TMPRSS13: variants seen among roughly 807,000 people sequenced by gnomAD.
TMPRSS13 encodes transmembrane serine protease 13, also known as transmembrane protease serine 13.
In TMPRSS13, 50 loss-of-function variants were observed where a neutral mutation model predicts 68.4. The ratio of observed to expected loss-of-function variants is 0.73; its 90% CI spans 0.58 to 0.93. The LOEUF is 0.93. TMPRSS13 is among the 40% of genes least tolerant of loss of function. TMPRSS13 has a pLI of 0.00. For synonymous variants in TMPRSS13, 267 were observed against 285.8 expected, an observed-to-expected ratio of 0.93 and a Z score of 0.66; for missense variants, 615 against 729.2, an observed-to-expected ratio of 0.84 and a Z score of 1.80.
rs1010206959 is a variant in TMPRSS13, at chr11:117,909,341, T to C, written c.1109+465A>G. The stretch of plus-strand genomic sequence containing the variant: ...GAGGCCTGGTCCCAGAGCTCTTTCC[T>C]GCCCACCAGCCTGGGCTGTGGGCCC... On this transcript the variant is annotated intron_variant, in intron 8 of 12. Transcript: ENST00000524993. Among the ~76,000 whole-genome samples the C allele has an allele frequency of 4.6e-5, 7 of 152,320 alleles. No individual in the cohort carries two copies. In the South Asian group the frequency reaches 1.2e-3, roughly 27 times the overall value.
Position 117,917,218 on chromosome 11 carries a change from C to A in TMPRSS13, c.508G>T (p.Gly170Trp). 2 of 1,613,022 alleles carry A rather than the reference C, an allele frequency of 1.2e-6. No individual in the cohort carries two copies. The highest frequency in any genetic ancestry group is 2.2e-5 in the South Asian group (2 of 91,066). Reference protein sequence around the residue: ...REGQKQLPLIGCVLLLIALVV... With the variant: ...REGQKQLPLIWCVLLLIALVV... ...AGGGCAATGAGGAGGAGCACGCACCCGATGAGCGGTAGCTGCTTCTGGCCC... is the reference window on the plus strand; with the variant it reads ...AGGGCAATGAGGAGGAGCACGCACCAGATGAGCGGTAGCTGCTTCTGGCCC... The change falls in exon 3 of 13, where the codon GGG becomes TGG. Residue 170 changes from glycine to tryptophan, a missense_variant. Transcript: ENST00000524993.
chr11:117,908,009 A>T, intron 9 of TMPRSS13: 1 of 991,902 alleles, frequency 1.0e-6, no homozygotes, highest in Non-Finnish European at 1.2e-6. Context: ...CCTTAGCAAC[A>T]ACGTTGTAGC....
At chr11:117,908,143 GCTA>G (rs2057482474) in intron 9 of TMPRSS13, 1 of 886,376 alleles carries the variant, frequency 1.1e-6, no homozygotes, top group Admixed American at 4.5e-5. Flanking sequence ...CAATCCCAGA[GCTA>G]CCACCTATTA....
chr11:117,914,272 C>T lies in TMPRSS13; in HGVS notation c.679+120G>A. The T allele has an allele frequency of 7.4e-7, 1 of 1,350,204 alleles. No individual in the cohort carries two copies. Among genetic ancestry groups the T allele is most frequent in the Admixed American group, 1.7e-5 (1 of 57,722 alleles). 83.6% of individuals were successfully genotyped at this position (1,350,204 alleles called of 1,614,324 possible). ...ATGCATACACACAAACATGCACATA[C>T]ACACACATGCACGCACACATATACA... is the stretch of plus-strand genomic sequence containing the variant. On this transcript the variant is annotated intron_variant, in intron 4 of 12. Coordinates refer to ENST00000524993, the MANE Select transcript of TMPRSS13 (RefSeq NM_001077263.3). This position sits in a 1 kb window ranked among gnomAD's most constrained non-coding sequence, Gnocchi z 4.2.
chr11:117,920,126 TAG>T (rs2057628290), intron 1 of TMPRSS13, among the ~76,000 whole-genome samples: 1 of 152,156 alleles, frequency 6.6e-6, no homozygotes. Context: ...TGCTCTGGGT[TAG>T]AGAGACCAGG....
chr11:117,908,544 C>T lies in TMPRSS13; in HGVS notation c.1282+68G>A, dbSNP rs542861482. On this transcript the variant is annotated intron_variant, in intron 9 of 12. Transcript: ENST00000524993. ...CCGGATATGAGTTGACAGATGCTGA[C>T]AAGTGCGAGGGCTGCAGAGGGTGCT... 4.0e-6 allele frequency: 6 copies of T among 1,518,988 alleles called. No individual in the cohort carries two copies. The Admixed American group carries it at 9.8e-5, about 25-fold the overall frequency. The allele number at this position is 1,518,988 out of a possible 1,614,324, so 94.1% of individuals were successfully genotyped here. A position where few individuals can be genotyped will look rare whatever the true frequency, so the allele number is the denominator to read the frequency against.
rs760074587 is a variant in TMPRSS13, at chr11:117,908,672, C to A, written c.1222G>T (p.Asp408Tyr). 6.3e-7 allele frequency: 1 copy of A among 1,592,450 alleles called. No individual in the cohort carries two copies. The highest frequency in any genetic ancestry group is 8.5e-7 in the Non-Finnish European group (1 of 1,170,634). The change falls in exon 9 of 13, where the codon GAT (aspartate) becomes TAT (tyrosine). Residue 408 changes from aspartate (D) to tyrosine (Y), a missense_variant. Transcript: ENST00000524993. ...AEIIINSNYT[D>Y]EEDDYDIALM... Reference sequence around the variant, plus strand: ...GCGATGTCATAGTCGTCCTCCTCATCGGTGTAATTGCTGTTGATGATGATC... The same window carrying A: ...GCGATGTCATAGTCGTCCTCCTCATAGGTGTAATTGCTGTTGATGATGATC...
intron 8 of TMPRSS13, among the ~76,000 whole-genome samples, 186 bp downstream of exon 8, chr11:117,909,620 A>G (rs905816265): frequency 6.6e-6 from 1 of 152,194 alleles, no homozygotes; most frequent in African/African-American, 2.4e-5. Context: ...CTAGCTCGGA[A>G]CAAACACCCC....
chr11:117,918,527 C>T lies in TMPRSS13; in HGVS notation c.333G>A (p.Ser111=), dbSNP rs3802870. ...ACACTCTGGTTGGGGAGGTTGTCACCGAGGCTGACCTGGCGGATGATGACC... is the reference window on the plus strand; with the variant it reads ...ACACTCTGGTTGGGGAGGTTGTCACTGAGGCTGACCTGGCGGATGATGACC... The part of the protein sequence containing the change: ...SGRSSSARSA[S]VTTSPTRVYL... Residue 111 remains serine, a synonymous_variant, in exon 2 of 13, where the codon TCG becomes TCA. Transcript: ENST00000524993. 56 of 1,614,092 alleles carry T rather than the reference C, an allele frequency of 3.5e-5. No homozygotes were observed. Among genetic ancestry groups the T allele is most frequent in the Admixed American group, 1.2e-4 (7 of 60,012 alleles).
Position 117,909,913 on chromosome 11 carries a change from A to C in TMPRSS13, c.1002T>G (p.Asp334Glu). 6.2e-7 allele frequency: 1 copy of C among 1,614,164 alleles called. No individual in the cohort carries two copies. Among genetic ancestry groups the C allele is most frequent in the Non-Finnish European group, 8.5e-7 (1 of 1,180,014 alleles). Residue 334 changes from aspartate to glutamate, a missense_variant, in exon 8 of 13, where the codon GAT becomes GAG. By Grantham distance (45) the Asp-to-Glu change is conservative (BLOSUM62 2). Transcript: ENST00000524993. ...GRIVGGALAS[D>E]SKWPWQVSLH... ...GACTCACTTGCCAAGGCCACTTGCT[A>C]TCCGAGGCCAGCGCCCCTCCCACGA...
chr11:117,912,945 A>C (rs1279337205), intron 5 of TMPRSS13, among the ~76,000 whole-genome samples: 1 of 152,230 alleles, frequency 6.6e-6, no homozygotes, highest in Non-Finnish European at 1.5e-5. Flanking sequence ...CTCATAAAAG[A>C]TGCCCATGGT....
intron 12 of TMPRSS13, among the ~76,000 whole-genome samples, chr11:117,902,546 T>A (rs1165066120): frequency 6.6e-6 from 1 of 152,216 alleles, no homozygotes; most frequent in Non-Finnish European, 1.5e-5. Context: ...AGCTAAAGGC[T>A]GAAGGCCCAG....
intron 12 of TMPRSS13, 23 bp downstream of exon 12, chr11:117,903,632 G>A (rs1260086870): frequency 6.2e-7 from 1 of 1,613,920 alleles, no homozygotes; most frequent in Non-Finnish European, 8.5e-7. Context: ...GCTGGGTGCA[G>A]TGTCCTGCTG....
chr11:117,906,152 G>A (rs763833001), intron 9 of TMPRSS13, among the ~76,000 whole-genome samples: 2 of 152,236 alleles, frequency 1.3e-5, no homozygotes, highest in Non-Finnish European at 2.9e-5. Context: ...TTATGACCAT[G>A]GCATCTCAGC....
At position 117,917,003 on chromosome 11, in the gene TMPRSS13, C is replaced by T. The variant is rs374828606; in HGVS notation, c.556+167G>A. ...TAACCTGGATACCCCACAGGGGCCC[C>T]GGGGGCAGCACAGTCCAAGGCCATT... On this transcript the variant is annotated intron_variant, in intron 3 of 12. Transcript: ENST00000524993. Among the ~76,000 whole-genome samples the T allele has an allele frequency of 4.6e-5, 7 of 152,288 alleles. No homozygotes were observed. In the East Asian group the frequency reaches 1.2e-3, roughly 25 times the overall value.
intron 10 of TMPRSS13, 140 bp from the exon 11 acceptor site, chr11:117,904,241 C>T: frequency 8.3e-7 from 1 of 1,207,950 alleles, no homozygotes; most frequent in Non-Finnish European, 1.1e-6. Context: ...GTGCCTGGCT[C>T]CCACCCAAGG....
Position 117,918,590 on chromosome 11 carries a change from A to C in TMPRSS13, c.270T>G (p.Ser90=). Residue 90 remains serine (S), a synonymous_variant, in exon 2 of 13, where the codon TCT becomes TCG. Coordinates refer to ENST00000524993, the MANE Select transcript of TMPRSS13 (RefSeq NM_001077263.3). ...ACCTGGAAAGTGATGCCAGAGCCGG[A>C]GATGCCCGGGCTGGAGATGCCTGGG... The part of the protein sequence containing the change: ...SPAQASPARA[S]PALASLSRSS... 1 of 1,611,572 alleles carries C rather than the reference A, an allele frequency of 6.2e-7. No individual in the cohort carries two copies. The highest frequency in any genetic ancestry group is 8.5e-7 in the Non-Finnish European group (1 of 1,178,886).
intron 1 of TMPRSS13, among the ~76,000 whole-genome samples, chr11:117,921,388 C>G (rs143937893): frequency 6.6e-6 from 1 of 152,190 alleles, no homozygotes; most frequent in Non-Finnish European, 1.5e-5. Flanking sequence ...ACGAAACAGC[C>G]CACCTCACCC....
In TMPRSS13 at chr11:117,929,315, G is replaced by A. The variant is rs374052604; in HGVS notation, c.-8C>T. ...GTGGCTGTCCCTCTCCATGGTCTCTGAGGGGAAGAGTCCTCCAGGCTTAGC... is the reference window on the plus strand; with the variant it reads ...GTGGCTGTCCCTCTCCATGGTCTCTAAGGGGAAGAGTCCTCCAGGCTTAGC... On this transcript the variant is annotated 5_prime_UTR_variant, in exon 1 of 13. Coordinates refer to ENST00000524993, the MANE Select transcript of TMPRSS13 (RefSeq NM_001077263.3). 6.2e-7 allele frequency: 1 copy of A among 1,605,524 alleles called. No individual in the cohort carries two copies. Among genetic ancestry groups the A allele is most frequent in the South Asian group, 1.1e-5 (1 of 89,212 alleles).
Sources: allele counts gnomAD v4.1 joint callset (sites outside exome capture counted in the v4.1 genomes callset), GRCh38; gene constraint gnomAD v4.1.1; non-coding constraint Gnocchi (gnomAD v3.1); transcripts MANE v1.5; gene names NCBI Gene and HGNC (gene_info 2026-07-23, HGNC 2026-07-21).